The following SEC16B variants were observed in gnomAD, a reference collection of about 807,000 sequenced individuals.
SEC16B encodes the protein SEC16 homolog B, endoplasmic reticulum export factor.
A neutral mutation model predicts 141.8 loss-of-function variants in SEC16B; 115 were observed. The ratio of observed to expected loss-of-function variants is 0.81; its 90% confidence interval spans 0.70 to 0.95. The LOEUF (loss-of-function observed/expected upper bound fraction) is 0.95. Among genes scored for constraint, SEC16B ranks in the 40% least tolerant of loss-of-function variants. The pLI is 0.00. For synonymous variants in SEC16B, 493 were observed against 492.5 expected (o/e 1.00, Z -0.01); for missense variants, 1,291 against 1,312.3 (o/e 0.98, Z 0.25).
At chr1:177,975,043 G>A (rs530061445), upstream of SEC16B, among the ~76,000 whole-genome samples, 1 of 152,338 alleles carries the variant, frequency 6.6e-6, no homozygotes, top group Non-Finnish European at 1.5e-5. Flanking sequence ...AGAATGCCAA[G>A]TTCTACTGGC....
chr1:177,960,180 G>C (rs1322453733), intron 8 of SEC16B, 162 bp downstream of exon 8: 2 of 614,386 alleles, frequency 3.3e-6, no homozygotes, highest in Admixed American at 5.8e-5. Flanking sequence ...AAATGACTCA[G>C]GCCACATCTG....
At chr1:177,951,077 AT>A (rs2101950634) in intron 12 of SEC16B, among the ~76,000 whole-genome samples, 1 of 152,160 alleles carries the variant, frequency 6.6e-6, no homozygotes, top group East Asian at 1.9e-4. Flanking sequence ...AAAAAAGAGA[AT>A]AAAAAATTAT....
chr1:177,934,261 C>A (rs1471470874), intron 20 of SEC16B, among the ~76,000 whole-genome samples: 6 of 152,148 alleles, frequency 3.9e-5, no homozygotes, highest in Non-Finnish European at 7.4e-5. Flanking sequence ...TAGCCATCTC[C>A]AGAACTTTTT....
chr1:177,931,621 T>C (rs1433024763), intron 24 of SEC16B, among the ~76,000 whole-genome samples: 1 of 152,098 alleles, frequency 6.6e-6, no homozygotes, highest in Non-Finnish European at 1.5e-5. Context: ...GGTTTCTTAA[T>C]AGAACTCAGG....
chr1:177,936,416 A>G (rs898072032), intron 19 of SEC16B, 51 bp from the exon 20 acceptor site: 24 of 1,487,440 alleles, frequency 1.6e-5, no homozygotes, highest in Non-Finnish European at 2.2e-5. Flanking sequence ...TGCTTTTCCC[A>G]TCTATCCTGA....
At chr1:177,948,053 C>T in intron 12 of SEC16B, 111 bp from the exon 13 acceptor site, 1 of 838,916 alleles carries the variant, frequency 1.2e-6, no homozygotes, top group Admixed American at 2.2e-5. Context: ...AATGCCCACT[C>T]TACCACCTGC....
chr1:177,952,066 G>A (rs1274345356), intron 11 of SEC16B, 71 bp from the exon 12 acceptor site: 5 of 1,287,620 alleles, frequency 3.9e-6, no homozygotes, highest in Non-Finnish European at 5.5e-6. Flanking sequence ...ACAAGGCTCA[G>A]GGCCTTGCAT....
At chr1:177,949,480 A>G (rs1047799804) in intron 12 of SEC16B, among the ~76,000 whole-genome samples, 1 of 152,076 alleles carries the variant, frequency 6.6e-6, no homozygotes, top group African/African-American at 2.4e-5. Flanking sequence ...TGATTTGAAA[A>G]GATCACTATA....
upstream of SEC16B, among the ~76,000 whole-genome samples, chr1:177,974,123 CTTTTT>C (rs5778969): frequency 6.7e-5 from 10 of 150,012 alleles, no homozygotes; most frequent in African/African-American, 2.4e-4. Context: ...GAAATGCTAC[CTTTTT>C]TTTTTATTTT....
At chr1:177,944,292 CG>C (rs1193199850) in intron 15 of SEC16B, among the ~76,000 whole-genome samples, 2 of 152,096 alleles carry the variant, frequency 1.3e-5, no homozygotes, top group Admixed American at 1.3e-4. Flanking sequence ...AGGCACAGGC[CG>C]GGGCGGCAGG....
chr1:177,969,302 G>A (rs6682862), intron 1 of SEC16B, among the ~76,000 whole-genome samples: 35,845 of 152,058 alleles, frequency 0.24, 5,086 homozygotes, highest in East Asian at 0.41. Context: ...GCTATGAGAC[G>A]GCAGAACACA....
At chr1:177,970,707 A>G (rs1440908943), upstream of SEC16B, among the ~76,000 whole-genome samples, 2 of 152,232 alleles carry the variant, frequency 1.3e-5, no homozygotes, top group Non-Finnish European at 2.9e-5. Flanking sequence ...TTATAACAAG[A>G]AAGTAGTTTC....
chr1:177,940,797 G>A, intron 16 of SEC16B, 83 bp from the exon 17 acceptor site: 2 of 852,958 alleles, frequency 2.3e-6, no homozygotes, highest in Non-Finnish European at 1.8e-6. Flanking sequence ...AAGACAACGG[G>A]GAAGAGAAAA....
chr1:177,940,404 C>T (rs1467159640), intron 17 of SEC16B, among the ~76,000 whole-genome samples: 3 of 152,178 alleles, frequency 2.0e-5, no homozygotes, highest in Non-Finnish European at 4.4e-5. Context: ...AAAACGCTTC[C>T]ACACAGGGGA....
chr1:177,967,640 G>C (rs375860701), intron 2 of SEC16B, 43 bp downstream of exon 2: 8 of 1,482,604 alleles, frequency 5.4e-6, no homozygotes, highest in Non-Finnish European at 7.2e-6. Context: ...CTATTCATAC[G>C]CATTTAGGAG....
chr1:177,967,211 G>C (rs1653598536), intron 2 of SEC16B, among the ~76,000 whole-genome samples: 1 of 152,212 alleles, frequency 6.6e-6, no homozygotes, highest in African/African-American at 2.4e-5. Flanking sequence ...TCCATTCCGG[G>C]TACTGTCGTA....
chr1:177,930,485 G>T, intron 25 of SEC16B, 60 bp downstream of exon 25: 1 of 1,123,142 alleles, frequency 8.9e-7, no homozygotes, highest in Non-Finnish European at 1.3e-6. Flanking sequence ...GATAAACCTA[G>T]GTCTCCTTAA....
In SEC16B at chr1:177,954,349, G is replaced by T. The variant is rs1330155592; in HGVS notation, c.1393C>A (p.His465Asn). ...AGGAACAAAGCATGGCCCCACAAGTGGTTCTTCATGGCCCACTCCAAGGCT... is the reference window on the plus strand; with the variant it reads ...AGGAACAAAGCATGGCCCCACAAGTTGTTCTTCATGGCCCACTCCAAGGCT... ...KEALEWAMKNHLWGHALFLSS... is the reference protein window; with the variant it reads ...KEALEWAMKNNLWGHALFLSS... Residue 465 changes from histidine to asparagine, a missense_variant, in exon 11 of 26, where the codon CAC becomes AAC. Physicochemically the swap from His to Asn is moderately conservative, Grantham distance 68. Transcript: ENST00000308284. 4 of 1,574,570 alleles carry T rather than the reference G, an allele frequency of 2.5e-6. No individual in the cohort carries two copies. The South Asian group carries it at 4.7e-5, about 18-fold the overall frequency.
At chr1:177,946,631 G>T in intron 13 of SEC16B, 100 bp from the exon 14 acceptor site, 1 of 847,576 alleles carries the variant, frequency 1.2e-6, no homozygotes, top group Non-Finnish European at 1.9e-6. Flanking sequence ...GGCCTCGGGG[G>T]TCAGAGGGGA....
Sources: allele counts gnomAD v4.1 joint callset (sites outside exome capture counted in the v4.1 genomes callset), GRCh38; gene constraint gnomAD v4.1.1; transcripts MANE v1.5; gene names NCBI Gene and HGNC (gene_info 2026-07-23, HGNC 2026-07-21).